PFKFB4: variants seen among roughly 807,000 people sequenced by gnomAD.
PFKFB4 encodes the protein 6-phosphofructo-2-kinase/fructose-2,6-biphosphatase 4.
Under a neutral mutation model 62.8 loss-of-function variants are expected in PFKFB4, and 42 were observed. The observed-to-expected ratio is 0.67, with a 90% CI of 0.52 to 0.86. PFKFB4 has a LOEUF of 0.86. PFKFB4 is among the 40% of genes least tolerant of loss of function. The pLI, the probability that PFKFB4 is intolerant of heterozygous loss-of-function variation, is 0.00. For synonymous variants in PFKFB4, 204 were observed against 240.7 expected (o/e 0.85, Z 1.41); for missense variants, 475 against 627.2 (o/e 0.76, Z 2.59).
chr3:48,546,481 GTA>G (rs1352684323), intron 3 of PFKFB4, among the ~76,000 whole-genome samples: 1 of 152,180 alleles, frequency 6.6e-6, no homozygotes, highest in African/African-American at 2.4e-5. Context: ...GAACACAAGC[GTA>G]TATGTGCCCA....
At chr3:48,540,662 C>A (rs557658021) in intron 4 of PFKFB4, among the ~76,000 whole-genome samples, 1 of 151,676 alleles carries the variant, frequency 6.6e-6, no homozygotes, top group Non-Finnish European at 1.5e-5. Context: ...CAGGCTGGAG[C>A]GTAGTGGAGC....
intron 8 of PFKFB4, among the ~76,000 whole-genome samples, chr3:48,535,999 C>G (rs2042593512): frequency 1.3e-5 from 2 of 152,322 alleles, no homozygotes; most frequent in South Asian, 2.1e-4. Context: ...TCAGGTCGCT[C>G]TAAGGGTGGC....
At chr3:48,519,887 G>A (rs1411084396) in intron 13 of PFKFB4, 81 bp from the exon 14 acceptor site, 2 of 1,120,720 alleles carry the variant, frequency 1.8e-6, no homozygotes, top group Non-Finnish European at 1.4e-6. Flanking sequence ...CATCACTGTG[G>A]TTCATCAGGC....
intron 3 of PFKFB4, among the ~76,000 whole-genome samples, chr3:48,544,554 T>C (rs1252064656): frequency 6.7e-6 from 1 of 150,230 alleles, no homozygotes; most frequent in Admixed American, 6.7e-5. Flanking sequence ...TCAAGCAATC[T>C]TCCTGCCTCA....
Position 48,539,242 on chromosome 3 carries a change from T to C in PFKFB4, c.510+12A>G. 1.9e-6 allele frequency: 3 copies of C among 1,606,436 alleles called. No homozygotes were observed. Among genetic ancestry groups the C allele is most frequent in the East Asian group, 2.2e-5 (1 of 44,842 alleles). ...CACACGACCTTCTGACAAGGTCAGA[T>C]GCACTACTCACCACGATGTTGGCAG... On this transcript the variant is annotated intron_variant, in intron 6 of 13. Coordinates refer to ENST00000232375, the MANE Select transcript of PFKFB4 (RefSeq NM_004567.4).
Position 48,547,951 on chromosome 3 carries a change from C to G in PFKFB4, c.311+1913G>C, listed in dbSNP as rs116338740. On this transcript the variant is annotated intron_variant, in intron 3 of 13. Coordinates refer to ENST00000232375, the MANE Select transcript of PFKFB4 (RefSeq NM_004567.4). ...TTTTGGGCTGATTAATAGGAGATGG[C>G]CCTGTGGCCCAGCCAGAGCCAGGAT... 207 of 152,298 alleles carry G rather than the reference C, an allele frequency of 1.4e-3. 3 individuals carry two copies. The highest frequency in any genetic ancestry group is 4.9e-3 in the African/African-American group (203 of 41,554). 9.4% of individuals were successfully genotyped at this position (152,298 alleles called of 1,614,324 possible).
upstream of PFKFB4, chr3:48,562,763 C>T: frequency 6.6e-7 from 1 of 1,523,386 alleles, no homozygotes; most frequent in Non-Finnish European, 8.8e-7. This position sits in a 1 kb window ranked among gnomAD's most constrained non-coding sequence, Gnocchi z 4.3. Context: ...GTGGCCCTAT[C>T]ACTGTGACCC....
upstream of PFKFB4, among the ~76,000 whole-genome samples, chr3:48,557,383 C>T (rs902182407): frequency 3.3e-5 from 5 of 152,252 alleles, no homozygotes; most frequent in Non-Finnish European, 5.9e-5. Flanking sequence ...TCCTCGGGGT[C>T]CCCCTTGACT....
In PFKFB4 at chr3:48,522,073, C is replaced by G. The variant is rs377645720; in HGVS notation, c.1286-23G>C. ...AACCTGCCAAAGGGAAGATGCAAAT[C>G]CATCCCCACTCCTGAAAGGCAGCTG... On this transcript the variant is annotated intron_variant, in intron 12 of 13. Coordinates refer to ENST00000232375, the MANE Select transcript of PFKFB4 (RefSeq NM_004567.4). 31 of 1,610,036 alleles carry G rather than the reference C, an allele frequency of 1.9e-5. No individual in the cohort carries two copies. The African/African-American group carries it at 3.3e-4, about 17-fold the overall frequency.
intron 1 of PFKFB4, among the ~76,000 whole-genome samples, chr3:48,550,477 C>T (rs1259614953): frequency 6.6e-6 from 1 of 152,164 alleles, no homozygotes; most frequent in East Asian, 1.9e-4. Flanking sequence ...TCTCTCCAGC[C>T]CTTTTCATCC....
chr3:48,552,251 C>T (rs2043178093), intron 1 of PFKFB4, among the ~76,000 whole-genome samples: 1 of 152,226 alleles, frequency 6.6e-6, no homozygotes, highest in Non-Finnish European at 1.5e-5. Flanking sequence ...CCTACCCTGG[C>T]GGATACTGAG....
At chr3:48,557,501 C>G (rs1441858733), upstream of PFKFB4, among the ~76,000 whole-genome samples, 2 of 152,176 alleles carry the variant, frequency 1.3e-5, no homozygotes, top group African/African-American at 4.8e-5. Context: ...CAATATTGTT[C>G]CTCTTTCTTT....
At chr3:48,536,632 C>T in intron 7 of PFKFB4, 169 bp from the exon 8 acceptor site, 1 of 600,434 alleles carries the variant, frequency 1.7e-6, no homozygotes, top group Non-Finnish European at 3.0e-6. Flanking sequence ...GAGGCGGGAG[C>T]AACACAGTGC....
chr3:48,535,381 C>G (rs1471992967), intron 9 of PFKFB4, 131 bp downstream of exon 9: 2 of 800,450 alleles, frequency 2.5e-6, no homozygotes, highest in Admixed American at 5.5e-5. Flanking sequence ...CTGCTCCCAG[C>G]CCCTAGGTTC....
intron 1 of PFKFB4, among the ~76,000 whole-genome samples, chr3:48,553,119 C>T (rs1309148499): frequency 6.6e-6 from 1 of 152,168 alleles, no homozygotes; most frequent in Non-Finnish European, 1.5e-5. Context: ...GCTGGGTGCA[C>T]GGCTGCACCT....
At chr3:48,553,032 A>G (rs1012679724) in intron 1 of PFKFB4, among the ~76,000 whole-genome samples, 1 of 152,242 alleles carries the variant, frequency 6.6e-6, no homozygotes, top group Non-Finnish European at 1.5e-5. Context: ...AATTCCAGCC[A>G]TAAGAAATTG....
At chr3:48,558,029 C>A (rs1047908762), upstream of PFKFB4, among the ~76,000 whole-genome samples, 8 of 152,030 alleles carry the variant, frequency 5.3e-5, no homozygotes, top group Non-Finnish European at 1.2e-4. Flanking sequence ...ATGGGATGTG[C>A]ACATTGTCTA....
chr3:48,533,692 T>C (rs1394324606), intron 9 of PFKFB4, among the ~76,000 whole-genome samples: 2 of 152,104 alleles, frequency 1.3e-5, no homozygotes, highest in Non-Finnish European at 2.9e-5. Context: ...CTGTCTCTAC[T>C]AAAAATACAA....
chr3:48,551,027 A>C (rs2107589164), intron 1 of PFKFB4, among the ~76,000 whole-genome samples: 1 of 152,272 alleles, frequency 6.6e-6, no homozygotes, highest in African/African-American at 2.4e-5. Flanking sequence ...GATGCCCACA[A>C]GGACAGTCCC....
Sources: gnomAD v4.1 joint callset for allele counts (sites outside exome capture counted in the v4.1 genomes callset) on GRCh38, gnomAD v4.1.1 for gene constraint, Gnocchi (gnomAD v3.1) non-coding constraint, MANE v1.5 for transcripts, NCBI Gene and HGNC (gene_info 2026-07-23, HGNC 2026-07-21) for gene names.